Variants in CX3CR1 observed in about 807,000 individuals in gnomAD.
CX3CR1 encodes CX3C chemokine receptor 1.
For synonymous variants in CX3CR1, 168 were observed against 178.5 expected (o/e 0.94, Z 0.47); for missense variants, 363 against 432.4 (o/e 0.84, Z 1.42).
upstream of CX3CR1, among the ~76,000 whole-genome samples, chr3:39,284,824 C>T (rs763179905): frequency 6.6e-6 from 1 of 152,112 alleles, no homozygotes; most frequent in Non-Finnish European, 1.5e-5. Flanking sequence ...AGGCAGGGAA[C>T]AGCAAGAGGG....
At chr3:39,277,883 C>T (rs1469507822) in intron 1 of CX3CR1, among the ~76,000 whole-genome samples, 1 of 152,226 alleles carries the variant, frequency 6.6e-6, no homozygotes, top group African/African-American at 2.4e-5. Flanking sequence ...TTCCTCATGA[C>T]AACAACATAT....
intron 1 of CX3CR1, among the ~76,000 whole-genome samples, chr3:39,267,158 G>A (rs1177065572): frequency 6.6e-6 from 1 of 151,902 alleles, no homozygotes; most frequent in Non-Finnish European, 1.5e-5. Context: ...AAGCTAGCTA[G>A]TTTGACCAAT....
At chr3:39,275,275 G>A (rs149226249) in intron 1 of CX3CR1, among the ~76,000 whole-genome samples, 238 of 152,276 alleles carry the variant, frequency 1.6e-3, no homozygotes, top group African/African-American at 5.1e-3. Flanking sequence ...GGACCTGGGC[G>A]TCATCTCTTT....
At chr3:39,269,023 C>T (rs1475665605) in intron 1 of CX3CR1, among the ~76,000 whole-genome samples, 1 of 151,802 alleles carries the variant, frequency 6.6e-6, no homozygotes, top group South Asian at 2.1e-4. Context: ...TTTTTTTCCC[C>T]CTGAAATAAG....
intron 1 of CX3CR1, among the ~76,000 whole-genome samples, chr3:39,270,175 C>T (rs13077357): frequency 0.36 from 54,853 of 152,014 alleles, 10,704 homozygotes; most frequent in East Asian, 0.66. Context: ...CGATGACTAT[C>T]AAACAGTTGA....
At chr3:39,286,568 G>A (rs1010232212), upstream of CX3CR1, 4 of 149,340 alleles carry the variant, frequency 2.7e-5, no homozygotes, top group East Asian at 2.0e-4. Flanking sequence ...GGAGAATGGC[G>A]TGAACCCGGG....
At chr3:39,281,321 C>G, upstream of CX3CR1, 1 of 910,578 alleles carries the variant, frequency 1.1e-6, no homozygotes, top group African/African-American at 1.8e-5. Context: ...CCCCTCCCCA[C>G]CCCACACCAC....
chr3:39,276,850 G>A (rs1465032401), intron 1 of CX3CR1, among the ~76,000 whole-genome samples: 1 of 152,154 alleles, frequency 6.6e-6, no homozygotes, highest in African/African-American at 2.4e-5. Context: ...CAAACTATAG[G>A]GAAAAGCAAG....
chr3:39,292,631 C>T, the CX3CR1 span, among the ~76,000 whole-genome samples: 1 of 152,104 alleles, frequency 6.6e-6, no homozygotes, highest in Admixed American at 6.5e-5. Context: ...AAGTAAGTGC[C>T]TTCTATTTAT....
upstream of CX3CR1, among the ~76,000 whole-genome samples, chr3:39,283,794 ATTATAT>A (rs1158880056): frequency 1.7e-5 from 1 of 58,338 alleles, no homozygotes. Flanking sequence ...AAAAAAAAAA[ATTATAT>A]ATATATATAT....
intron 1 of CX3CR1, among the ~76,000 whole-genome samples, chr3:39,270,972 G>T (rs1162642642): frequency 1.3e-5 from 2 of 152,164 alleles, no homozygotes; most frequent in African/African-American, 4.8e-5. Context: ...TTCAGAGAGG[G>T]TGAATAACTT....
At chr3:39,283,831 A>ATATATATG (rs2125558654), upstream of CX3CR1, among the ~76,000 whole-genome samples, 1 of 126,836 alleles carries the variant, frequency 7.9e-6, no homozygotes, top group East Asian at 2.7e-4. Flanking sequence ...ATATATATAT[A>ATATATATG]TATATATATA....
At chr3:39,278,912 T>C (rs1409397600) in intron 1 of CX3CR1, among the ~76,000 whole-genome samples, 1 of 152,172 alleles carries the variant, frequency 6.6e-6, no homozygotes, top group Non-Finnish European at 1.5e-5. Context: ...AGCCTGAGTA[T>C]CCTCACAATG....
upstream of CX3CR1, among the ~76,000 whole-genome samples, chr3:39,282,227 C>T (rs2040909126): frequency 6.6e-6 from 1 of 152,186 alleles, no homozygotes; most frequent in Admixed American, 6.5e-5. Context: ...GCAGCCTTCC[C>T]CCTCCCTCCA....
intron 1 of CX3CR1, among the ~76,000 whole-genome samples, chr3:39,275,903 G>C (rs2125554926): frequency 7.0e-6 from 1 of 143,782 alleles, no homozygotes; most frequent in Non-Finnish European, 1.5e-5. Flanking sequence ...CTGGGGGAGG[G>C]TGATCAAGAG....
At chr3:39,267,800 TG>T (rs2040724047) in intron 1 of CX3CR1, among the ~76,000 whole-genome samples, 2 of 152,208 alleles carry the variant, frequency 1.3e-5, no homozygotes, top group African/African-American at 4.8e-5. Context: ...TCTTATCTCC[TG>T]TTTCCTTCTG....
chr3:39,264,045 GA>G lies in CX3CR1; in HGVS notation c.*1396del, dbSNP rs2040657971. The G allele has an allele frequency of 6.6e-6, 1 of 152,288 alleles. No homozygotes were observed. Among genetic ancestry groups the G allele is most frequent in the Admixed American group, 6.5e-5 (1 of 15,288 alleles). The allele number at this position is 152,288 out of a possible 1,614,324, so 9.4% of individuals were successfully genotyped here. A position where few individuals can be genotyped will look rare whatever the true frequency, so the allele number is the denominator to read the frequency against. The stretch of plus-strand genomic sequence containing the variant: ...GCATGAATGATGGGGTATTTTCCCA[GA>G]TGGGCAGGGGCTTGCCACAAGGTGA... On this transcript the variant is annotated 3_prime_UTR_variant, in exon 2 of 2. Coordinates refer to ENST00000399220, the MANE Select transcript of CX3CR1 (RefSeq NM_001337.4).
rs1465558098 is a variant in CX3CR1, at chr3:39,265,664, T to TG, written c.845dup (p.Phe283IlefsTer2). On this transcript the variant is annotated frameshift_variant, in exon 2 of 2. Transcript: ENST00000399220. LOFTEE classifies it low-confidence loss of function (END_TRUNC). Reference sequence around the variant, plus strand: ...GAGGATTCAGGCAACAATGGCTAAATGCAACCGTCTCAGTCACACTGAGGG... The same window carrying TG: ...GAGGATTCAGGCAACAATGGCTAAATGGCAACCGTCTCAGTCACACTGAGGG... The TG allele has an allele frequency of 1.9e-6, 3 of 1,614,204 alleles. No individual in the cohort carries two copies. The highest frequency in any genetic ancestry group is 2.5e-6 in the Non-Finnish European group (3 of 1,180,030).
chr3:39,272,840 A>T (rs1310338921), intron 1 of CX3CR1, among the ~76,000 whole-genome samples: 1 of 152,166 alleles, frequency 6.6e-6, no homozygotes, highest in Admixed American at 6.5e-5. Flanking sequence ...ATCTGAAGTC[A>T]CCCTCAGAAA....
Sources: gnomAD v4.1 joint callset for allele counts (sites outside exome capture counted in the v4.1 genomes callset) on GRCh38, gnomAD v4.1.1 for gene constraint, MANE v1.5 for transcripts, NCBI Gene and HGNC (gene_info 2026-07-23, HGNC 2026-07-21) for gene names.